The following CORIN variants were observed in gnomAD, a reference collection of about 807,000 sequenced individuals.
CORIN encodes corin, serine peptidase.
A neutral mutation model predicts 125.3 loss-of-function variants in CORIN; 117 were observed. That is an observed-to-expected ratio of 0.93 (90% CI 0.80 to 1.09). CORIN has a LOEUF of 1.09. CORIN is among the 50% of genes least tolerant of loss of function. The pLI is 0.00. For missense variants in CORIN, 1,253 were observed against 1,306.7 expected (o/e 0.96, Z 0.63); for synonymous variants, 450 against 466.4 (o/e 0.96, Z 0.45).
chr4:47,704,004 T>C (rs987155068), intron 5 of CORIN, among the ~76,000 whole-genome samples: 3 of 152,196 alleles, frequency 2.0e-5, no homozygotes, highest in Admixed American at 6.5e-5. Flanking sequence ...AGGAAGTCAA[T>C]TGCTTCAGGA....
chr4:47,785,120 T>C (rs184962444), intron 3 of CORIN, among the ~76,000 whole-genome samples: 3 of 152,314 alleles, frequency 2.0e-5, no homozygotes, highest in Admixed American at 6.5e-5. Context: ...AAAATGATCA[T>C]GGTTGGATGG....
At chr4:47,631,350 A>G (rs1260363286) in intron 16 of CORIN, among the ~76,000 whole-genome samples, 1 of 152,134 alleles carries the variant, frequency 6.6e-6, no homozygotes, top group African/African-American at 2.4e-5. Context: ...CATCACAGGC[A>G]TTACTGCCTG....
At chr4:47,659,955 T>C (rs1054944390) in intron 12 of CORIN, among the ~76,000 whole-genome samples, 1 of 152,070 alleles carries the variant, frequency 6.6e-6, no homozygotes, top group African/African-American at 2.4e-5. Context: ...TACAGAGCTA[T>C]AATAGCAAAA....
At chr4:47,626,931 G>A (rs1722593536) in intron 16 of CORIN, among the ~76,000 whole-genome samples, 1 of 151,830 alleles carries the variant, frequency 6.6e-6, no homozygotes, top group Non-Finnish European at 1.5e-5. Context: ...TATTTAGACA[G>A]CATAAAAGTT....
At chr4:47,795,707 T>C (rs1731259351) in intron 2 of CORIN, among the ~76,000 whole-genome samples, 1 of 151,600 alleles carries the variant, frequency 6.6e-6, no homozygotes, top group Non-Finnish European at 1.5e-5. Context: ...ACATATTTGA[T>C]CAAGAGTTAA....
rs765778629 is a variant in CORIN, at chr4:47,600,287, T to G, written c.2873A>C (p.Tyr958Ser). The change falls in exon 21 of 22, where the codon TAC becomes TCC. Residue 958 changes from tyrosine (Y) to serine (S), a missense_variant. Physicochemically the swap from Tyr to Ser is moderately radical, Grantham distance 144 (BLOSUM62 -2). Coordinates refer to ENST00000273857, the MANE Select transcript of CORIN (RefSeq NM_006587.4). Reference protein sequence around the residue: ...RIISLEHCQSYFDMKTITTRM... With the variant: ...RIISLEHCQSSFDMKTITTRM... Reference sequence around the variant, plus strand: ...AGTGGTGATGGTCTTCATGTCAAAGTAGGACTGACAATGTTCCAGAGAAAT... The same window carrying G: ...AGTGGTGATGGTCTTCATGTCAAAGGAGGACTGACAATGTTCCAGAGAAAT... 1 of 1,613,796 alleles carries G rather than the reference T, an allele frequency of 6.2e-7. No homozygotes were observed. The highest frequency in any genetic ancestry group is 2.2e-5 in the East Asian group (1 of 44,878).
chr4:47,661,790 A>G lies in CORIN; in HGVS notation c.1656T>C (p.Pro552=), dbSNP rs752470320. The G allele has an allele frequency of 3.1e-6, 5 of 1,613,516 alleles. No individual in the cohort carries two copies. Among genetic ancestry groups the G allele is most frequent in the African/African-American group, 2.7e-5 (2 of 74,934 alleles). ...GAAATTGACTGCAATCTGTGTCTTCAGGCCACTGTAGGCCCACAATCCCAA... is the reference window on the plus strand; with the variant it reads ...GAAATTGACTGCAATCTGTGTCTTCGGGCCACTGTAGGCCCACAATCCCAA... The part of the protein sequence containing the change: ...SVLGIVGLQW[P]EDTDCSQFPE... The change falls in exon 12 of 22, where the codon CCT becomes CCC. Residue 552 remains proline (P), a synonymous_variant. Coordinates refer to ENST00000273857, the MANE Select transcript of CORIN (RefSeq NM_006587.4).
intron 19 of CORIN, among the ~76,000 whole-genome samples, chr4:47,621,956 G>A (rs922912016): frequency 6.9e-6 from 1 of 145,556 alleles, no homozygotes; most frequent in African/African-American, 2.5e-5. Flanking sequence ...CCACTAACTC[G>A]TCATCTAACA....
chr4:47,602,518 C>A (rs753251093), intron 20 of CORIN, among the ~76,000 whole-genome samples: 3 of 152,112 alleles, frequency 2.0e-5, no homozygotes, highest in Non-Finnish European at 4.4e-5. Context: ...CAAATCACAA[C>A]ATAGAATTGG....
chr4:47,833,099 T>C (rs1733138194), intron 1 of CORIN, among the ~76,000 whole-genome samples: 1 of 146,798 alleles, frequency 6.8e-6, no homozygotes, highest in Non-Finnish European at 1.5e-5. Flanking sequence ...AGGAAACAAA[T>C]CACCAAAGCA....
intron 6 of CORIN, among the ~76,000 whole-genome samples, chr4:47,687,521 A>G (rs573734703): frequency 6.6e-6 from 1 of 152,142 alleles, no homozygotes; most frequent in Non-Finnish European, 1.5e-5. Context: ...TTGCATGTTA[A>G]TATTGATTTC....
chr4:47,606,253 CT>C (rs984304891), intron 19 of CORIN, among the ~76,000 whole-genome samples: 12 of 151,376 alleles, frequency 7.9e-5, no homozygotes, highest in Middle Eastern at 3.2e-3. Context: ...AGAATAATTT[CT>C]TTTTTTTTCT....
intron 4 of CORIN, among the ~76,000 whole-genome samples, chr4:47,757,766 G>A (rs1432242607): frequency 6.7e-6 from 1 of 150,160 alleles, no homozygotes; most frequent in African/African-American, 2.5e-5. Flanking sequence ...AAAGTGCCCT[G>A]AAAACTGTAA....
chr4:47,692,566 C>A (rs570189429), intron 6 of CORIN, among the ~76,000 whole-genome samples: 22 of 150,058 alleles, frequency 1.5e-4, no homozygotes, highest in African/African-American at 3.2e-4. Flanking sequence ...AAAAAAAAAA[C>A]AAGAGGCTTT....
intron 4 of CORIN, among the ~76,000 whole-genome samples, chr4:47,755,242 T>C (rs1729084195): frequency 6.6e-6 from 1 of 152,194 alleles, no homozygotes; most frequent in Non-Finnish European, 1.5e-5. Context: ...GGAATTTACT[T>C]CTCAATGACT....
intron 4 of CORIN, among the ~76,000 whole-genome samples, chr4:47,758,819 G>C (rs1038873232): frequency 2.0e-5 from 3 of 152,204 alleles, no homozygotes; most frequent in African/African-American, 2.4e-5. Flanking sequence ...TGTGAAGAAG[G>C]ATGTGTTTGC....
At chr4:47,735,819 C>T (rs1038884620) in intron 5 of CORIN, among the ~76,000 whole-genome samples, 3 of 151,772 alleles carry the variant, frequency 2.0e-5, no homozygotes, top group Non-Finnish European at 4.4e-5. Context: ...ACTCCGGAGG[C>T]TGAGACATTC....
chr4:47,731,197 T>C (rs1163529020), intron 5 of CORIN, among the ~76,000 whole-genome samples: 1 of 152,216 alleles, frequency 6.6e-6, no homozygotes, highest in Non-Finnish European at 1.5e-5. Flanking sequence ...AGAAAGTGCA[T>C]GGGCAATATC....
At chr4:47,818,940 T>C (rs893406696) in intron 1 of CORIN, among the ~76,000 whole-genome samples, 3 of 151,000 alleles carry the variant, frequency 2.0e-5, no homozygotes, top group Non-Finnish European at 4.4e-5. Flanking sequence ...TCTGGATATA[T>C]TGAACAGGGT....
Sources: allele counts gnomAD v4.1 joint callset (sites outside exome capture counted in the v4.1 genomes callset), GRCh38; gene constraint gnomAD v4.1.1; transcripts MANE v1.5; gene names NCBI Gene and HGNC (gene_info 2026-07-23, HGNC 2026-07-21).